The following GRIA2 variants were observed in gnomAD, a reference collection of about 807,000 sequenced individuals.
GRIA2 encodes the protein glutamate receptor 2.
Under a neutral mutation model 97.3 loss-of-function variants are expected in GRIA2, and 14 were observed. That is an observed-to-expected ratio of 0.14 (90% CI 0.10 to 0.23). GRIA2 has a LOEUF of 0.23. GRIA2 is among the 10% of genes least tolerant of loss of function. The probability of loss-of-function intolerance (pLI) is 1.00; values close to 1 mark genes in which losing one functional copy is unlikely to be tolerated. For synonymous variants in GRIA2, 412 were observed against 387.8 expected, an observed-to-expected ratio of 1.06 and a Z score of -0.73; for missense variants, 558 against 1,069.8, an observed-to-expected ratio of 0.52 and a Z score of 6.67.
intron 4 of GRIA2, among the ~76,000 whole-genome samples, chr4:157,315,377 CAA>C (rs1313075078): frequency 2.0e-4 from 11 of 53,772 alleles, no homozygotes; most frequent in Admixed American, 4.0e-4. Context: ...AGGTACATTC[CAA>C]AAAAAAAAAA....
chr4:157,354,614 A>C (rs568041043), intron 12 of GRIA2, among the ~76,000 whole-genome samples: 1 of 152,296 alleles, frequency 6.6e-6, no homozygotes, highest in Non-Finnish European at 1.5e-5. Flanking sequence ...TCTCCTCATC[A>C]AAATGTGATG....
chr4:157,360,230 T>C, intron 13 of GRIA2, 87 bp downstream of exon 13: 3 of 1,359,640 alleles, frequency 2.2e-6, no homozygotes, highest in Admixed American at 3.9e-5. Flanking sequence ...TTACGGTTTG[T>C]ATACGGATAT....
At chr4:157,221,379 C>T (rs1451860985) in intron 1 of GRIA2, 2 of 561,996 alleles carry the variant, frequency 3.6e-6, no homozygotes, top group African/African-American at 1.9e-5. Context: ...GCCTTAGCGA[C>T]ATTTTCCAGT....
chr4:157,241,596 T>C lies in GRIA2; in HGVS notation c.229+19789T>C, dbSNP rs115231136. 3.5e-3 allele frequency among the ~76,000 whole-genome samples: 526 copies of C among 152,236 alleles called. 2 individuals carry two copies. The highest frequency in any genetic ancestry group is 4.7e-3 in the Non-Finnish European group (320 of 67,978). On this transcript the variant is annotated intron_variant, in intron 2 of 15. Transcript: ENST00000264426. Reference sequence around the variant, plus strand: ...GATCATACATCCTTTTTTTCTGATATTGTAGCTTTAAACATTTTTACTAAT... The same window carrying C: ...GATCATACATCCTTTTTTTCTGATACTGTAGCTTTAAACATTTTTACTAAT...
At position 157,292,660 on chromosome 4, in the gene GRIA2, T is replaced by A. The variant is rs201059728; in HGVS notation, c.230-10892T>A. Among the ~76,000 whole-genome samples, 7 of 151,920 alleles carry A rather than the reference T, an allele frequency of 4.6e-5. No homozygotes were observed. In the East Asian group the frequency reaches 1.4e-3, roughly 29 times the overall value. On this transcript the variant is annotated intron_variant, in intron 2 of 15. Transcript: ENST00000264426. ...AGGGTAATCTAATAGTAAAAAGAAG[T>A]GTACAAAATCTAGGAATAGATGATT...
intron 2 of GRIA2, among the ~76,000 whole-genome samples, chr4:157,243,883 G>C (rs180801506): frequency 2.0e-5 from 3 of 151,772 alleles, no homozygotes; most frequent in African/African-American, 4.8e-5. Flanking sequence ...AAAGGTGGAC[G>C]CTCATGGAGC....
At position 157,333,320 on chromosome 4, in the gene GRIA2, C is replaced by T. The variant is rs189856617; in HGVS notation, c.1122C>T (p.Asn374=). The T allele has an allele frequency of 5.6e-6, 9 of 1,598,732 alleles. No individual in the cohort carries two copies. The highest frequency in any genetic ancestry group is 1.7e-5 in the Admixed American group (1 of 58,790). Reference sequence around the variant, plus strand: ...GAAAAAGAATAAACTATACAATTAACATCATGGAGCTCAAAACTAATGGGC... The same window carrying T: ...GAAAAAGAATAAACTATACAATTAATATCATGGAGCTCAAAACTAATGGGC... ...QNGKRINYTI[N]IMELKTNGPR... Residue 374 remains asparagine, a synonymous_variant, in exon 8 of 16, where the codon AAC becomes AAT. Transcript: ENST00000264426.
At chr4:157,310,508 A>C (rs1734032828) in intron 3 of GRIA2, among the ~76,000 whole-genome samples, 2 of 152,082 alleles carry the variant, frequency 1.3e-5, no homozygotes, top group South Asian at 4.1e-4. Context: ...TATATGAGCA[A>C]TTTTGCTTGA....
At chr4:157,278,823 C>T (rs570761438) in intron 2 of GRIA2, among the ~76,000 whole-genome samples, 64 of 152,050 alleles carry the variant, frequency 4.2e-4, no homozygotes, top group African/African-American at 1.5e-3. Context: ...CTTGAACACA[C>T]ATCTCATTGA....
chr4:157,245,524 C>A (rs948289927), intron 2 of GRIA2, among the ~76,000 whole-genome samples: 1 of 151,840 alleles, frequency 6.6e-6, no homozygotes, highest in Non-Finnish European at 1.5e-5. Context: ...CTGTTAAAAT[C>A]TAATAACTTT....
intron 12 of GRIA2, among the ~76,000 whole-genome samples, chr4:157,358,929 T>G (rs1736515344): frequency 6.6e-6 from 1 of 152,176 alleles, no homozygotes; most frequent in Admixed American, 6.6e-5. Context: ...CCTCTTAAGT[T>G]TTAAAAGTAA....
At chr4:157,351,055 G>A (rs541340157) in intron 12 of GRIA2, among the ~76,000 whole-genome samples, 2 of 147,046 alleles carry the variant, frequency 1.4e-5, no homozygotes, top group East Asian at 4.1e-4. Context: ...CCAAATTGTT[G>A]ACTGAAATAC....
At chr4:157,300,785 C>A (rs1258715339) in intron 2 of GRIA2, among the ~76,000 whole-genome samples, 1 of 152,084 alleles carries the variant, frequency 6.6e-6, no homozygotes, top group Non-Finnish European at 1.5e-5. Flanking sequence ...GTGGATCATT[C>A]CTTATGAAGT....
rs771640392 is a variant in GRIA2, at chr4:157,312,842, T to C, written c.633T>C (p.Cys211=). The C allele has an allele frequency of 1.2e-6, 2 of 1,608,822 alleles. No homozygotes were observed. Among genetic ancestry groups the C allele is most frequent in the Admixed American group, 3.4e-5 (2 of 59,360 alleles). The change falls in exon 4 of 16, where the codon TGT becomes TGC. Residue 211 remains cysteine, a synonymous_variant. Coordinates refer to ENST00000264426, the MANE Select transcript of GRIA2 (RefSeq NM_001083619.3). Reference sequence around the variant, plus strand: ...AGGAACGGCGTGTAATTCTGGACTGTGAAAGGGATAAAGTAAACGACATTG... The same window carrying C: ...AGGAACGGCGTGTAATTCTGGACTGCGAAAGGGATAAAGTAAACGACATTG... ...LKKERRVILD[C]ERDKVNDIVD...
chr4:157,306,031 A>AAACATATG (rs1733826955), intron 3 of GRIA2, among the ~76,000 whole-genome samples: 1 of 152,194 alleles, frequency 6.6e-6, no homozygotes, highest in African/African-American at 2.4e-5. Flanking sequence ...TAAATGAGTT[A>AAACATATG]AACATATGTG....
intron 2 of GRIA2, among the ~76,000 whole-genome samples, chr4:157,260,728 G>A (rs1436549389): frequency 1.3e-5 from 2 of 151,984 alleles, no homozygotes; most frequent in African/African-American, 2.4e-5. Flanking sequence ...GATATTGAGG[G>A]ATAACAGGAG....
intron 2 of GRIA2, among the ~76,000 whole-genome samples, chr4:157,298,815 A>G (rs1278240250): frequency 6.6e-6 from 1 of 151,938 alleles, no homozygotes; most frequent in Non-Finnish European, 1.5e-5. Context: ...GAATATTTAC[A>G]GTGCATTTTT....
chr4:157,363,240 G>A (rs1736715872), intron 15 of GRIA2, 193 bp downstream of exon 15: 1 of 660,188 alleles, frequency 1.5e-6, no homozygotes, highest in African/African-American at 1.8e-5. Flanking sequence ...CAGTAGCTTG[G>A]GTGAATGTGG....
At chr4:157,260,460 A>T (rs1018130931) in intron 2 of GRIA2, among the ~76,000 whole-genome samples, 1 of 152,122 alleles carries the variant, frequency 6.6e-6, no homozygotes, top group Non-Finnish European at 1.5e-5. Context: ...TGTCCCTTTC[A>T]GCATGATCAA....
Sources: gnomAD v4.1 joint callset for allele counts (sites outside exome capture counted in the v4.1 genomes callset) on GRCh38, gnomAD v4.1.1 for gene constraint, MANE v1.5 for transcripts, NCBI Gene and HGNC (gene_info 2026-07-23, HGNC 2026-07-21) for gene names.